The following CSMD1 variants were observed in gnomAD, a reference collection of about 807,000 sequenced individuals.
CSMD1 encodes CUB and sushi domain-containing protein 1.
In CSMD1, 213 loss-of-function variants were observed where a neutral mutation model predicts 417.5. The observed-to-expected ratio is 0.51, with a 90% CI of 0.46 to 0.57. The LOEUF (loss-of-function observed/expected upper bound fraction) is 0.57. Ranked by LOEUF, CSMD1 falls within the 20% of genes least tolerant of loss-of-function variation. The probability of loss-of-function intolerance (pLI) is 0.00; values close to 1 mark genes in which losing one functional copy is unlikely to be tolerated. For synonymous variants in CSMD1, 2,862 were observed against 1,736.8 expected, an observed-to-expected ratio of 1.65 and a Z score of -16.11; for missense variants, 6,923 against 4,529.7, an observed-to-expected ratio of 1.53 and a Z score of -15.17.
intron 12 of CSMD1, among the ~76,000 whole-genome samples, chr8:3,439,122 C>CAAAAAAAAAAAAAAAAAAAAA: frequency 4.0e-4 from 1 of 2,494 alleles, no homozygotes; most frequent in Non-Finnish European, 5.7e-4. Context: ...GACTCCATCT[C>CAAAAAAAAAAAAAAAAAAAAA]AAAAAAAAAA....
At chr8:3,409,869 T>G (rs1474700925) in intron 12 of CSMD1, among the ~76,000 whole-genome samples, 6 of 152,256 alleles carry the variant, frequency 3.9e-5, no homozygotes, top group Non-Finnish European at 1.5e-5. Flanking sequence ...ACAACACAAA[T>G]GCTGCAATTA....
chr8:4,601,765 A>G (rs1408799754), intron 2 of CSMD1, among the ~76,000 whole-genome samples: 1 of 152,180 alleles, frequency 6.6e-6, no homozygotes, highest in African/African-American at 2.4e-5. Context: ...TATTTGCCCC[A>G]TTAACTTTGA....
rs1043032436 is a variant in CSMD1 at position 4,904,948 on chromosome 8, A to C, written c.85+89384T>G. ...TACTGTCCAGGGCCTCTTTGGGACA[A>C]GGGACCATGCCGCCGCTTCAACCAA... On this transcript the variant is annotated intron_variant, in intron 1 of 69. Transcript: ENST00000635120. Among the ~76,000 whole-genome samples the C allele has an allele frequency of 9.2e-5, 14 of 152,302 alleles. No individual in the cohort carries two copies. In the South Asian group the frequency reaches 2.7e-3, roughly 29 times the overall value.
chr8:4,407,191 T>G (rs1370753982), intron 3 of CSMD1, among the ~76,000 whole-genome samples: 3 of 152,194 alleles, frequency 2.0e-5, no homozygotes, highest in Non-Finnish European at 2.9e-5. Context: ...TTGCCAGTCC[T>G]CTTTAGAGTG....
chr8:3,439,255 C>T (rs1402440298), intron 12 of CSMD1, among the ~76,000 whole-genome samples: 1 of 122,742 alleles, frequency 8.1e-6, no homozygotes, highest in Non-Finnish European at 1.6e-5. Context: ...CTCAACTTCT[C>T]TATTTGAGAG....
intron 3 of CSMD1, among the ~76,000 whole-genome samples, chr8:4,407,192 C>A (rs962378083): frequency 6.6e-6 from 1 of 152,180 alleles, no homozygotes; most frequent in Non-Finnish European, 1.5e-5. Flanking sequence ...TGCCAGTCCT[C>A]TTTAGAGTGA....
chr8:4,117,702 C>T (rs764944306), intron 3 of CSMD1, among the ~76,000 whole-genome samples: 2 of 152,120 alleles, frequency 1.3e-5, no homozygotes, highest in African/African-American at 4.8e-5. Context: ...CTTCTCTAGT[C>T]AGTAACTTCA....
intron 2 of CSMD1, among the ~76,000 whole-genome samples, chr8:4,500,305 T>G (rs529339916): frequency 1.9e-4 from 29 of 152,280 alleles, no homozygotes; most frequent in Admixed American, 1.9e-3. Context: ...TGTGCATAGG[T>G]TACCAGGGAT....
At chr8:4,772,222 C>T (rs567202511) in intron 1 of CSMD1, among the ~76,000 whole-genome samples, 37 of 152,298 alleles carry the variant, frequency 2.4e-4, no homozygotes, top group African/African-American at 8.7e-4. Flanking sequence ...CCAGCAGCAG[C>T]CTGGGCTCCT....
At chr8:4,295,384 A>G (rs1182363465) in intron 3 of CSMD1, among the ~76,000 whole-genome samples, 1 of 144,788 alleles carries the variant, frequency 6.9e-6, no homozygotes, top group Non-Finnish European at 1.5e-5. Context: ...CTTATTATAC[A>G]CATATAATCT....
intron 5 of CSMD1, among the ~76,000 whole-genome samples, chr8:3,946,054 T>G (rs891498524): frequency 6.6e-6 from 1 of 152,168 alleles, no homozygotes; most frequent in African/African-American, 2.4e-5. Flanking sequence ...TTACCTTTCT[T>G]TCAATACTAA....
intron 5 of CSMD1, among the ~76,000 whole-genome samples, chr8:3,933,916 G>C (rs1031093298): frequency 2.0e-5 from 3 of 152,086 alleles, no homozygotes; most frequent in Non-Finnish European, 1.5e-5. Context: ...GTAAATATGG[G>C]TGAAAAATGC....
At chr8:3,736,681 C>T (rs13268574) in intron 6 of CSMD1, among the ~76,000 whole-genome samples, 58,506 of 151,842 alleles carry the variant, frequency 0.39, 11,396 homozygotes, top group Non-Finnish European at 0.42. Flanking sequence ...ACTCAGCTTC[C>T]GCAGAATGGA....
chr8:3,762,027 T>A (rs1412396759), intron 5 of CSMD1, among the ~76,000 whole-genome samples: 2 of 152,140 alleles, frequency 1.3e-5, no homozygotes, highest in Non-Finnish European at 2.9e-5. Flanking sequence ...CCTTTAGCTT[T>A]TTCCTTGTGC....
intron 3 of CSMD1, among the ~76,000 whole-genome samples, chr8:4,120,156 T>C (rs1033139172): frequency 1.3e-5 from 2 of 152,208 alleles, no homozygotes; most frequent in East Asian, 3.9e-4. Flanking sequence ...TATCAAAACA[T>C]CTCACGTACC....
rs747605217 is a variant in CSMD1 at position 4,031,990 on chromosome 8, G to A, written c.525C>T (p.Tyr175=). ...DKIRYSCLPG[Y]ILEGHAILTC... ...TCAGGATGGCGTGGCCTTCCAAGAT[G>A]TAGCCAGGGAGGCAGCTGTACCGGA... The change falls in exon 4 of 70, where the codon TAC becomes TAT. Residue 175 remains tyrosine, a synonymous_variant. Transcript: ENST00000635120. 1.4e-5 allele frequency: 23 copies of A among 1,613,820 alleles called. No individual in the cohort carries two copies. Among genetic ancestry groups the A allele is most frequent in the Admixed American group, 1.7e-5 (1 of 60,002 alleles).
chr8:3,281,293 A>T (rs923734430), intron 26 of CSMD1, among the ~76,000 whole-genome samples: 1 of 152,042 alleles, frequency 6.6e-6, no homozygotes, highest in Non-Finnish European at 1.5e-5. Context: ...AAATACAAAA[A>T]AATAGCCAGG....
At chr8:3,078,391 A>C (rs766138020) in intron 49 of CSMD1, among the ~76,000 whole-genome samples, 3 of 152,236 alleles carry the variant, frequency 2.0e-5, no homozygotes, top group Non-Finnish European at 4.4e-5. Flanking sequence ...TTTAATGAAT[A>C]AACATGCTGG....
chr8:3,046,489 G>T (rs1585220406), intron 50 of CSMD1, among the ~76,000 whole-genome samples: 2 of 152,124 alleles, frequency 1.3e-5, no homozygotes, highest in African/African-American at 4.8e-5. Context: ...AGAGCTAACA[G>T]TGCGCTCAAA....
Sources: allele counts gnomAD v4.1 joint callset (sites outside exome capture counted in the v4.1 genomes callset), GRCh38; gene constraint gnomAD v4.1.1; transcripts MANE v1.5; gene names NCBI Gene and HGNC (gene_info 2026-07-23, HGNC 2026-07-21).